ADAMTSL1: variants seen among roughly 807,000 people sequenced by gnomAD.
ADAMTSL1 encodes the protein ADAMTS-like protein 1.
Under a neutral mutation model 201.8 loss-of-function variants are expected in ADAMTSL1, and 126 were observed. The ratio of observed to expected loss-of-function variants is 0.62; its 90% confidence interval spans 0.54 to 0.72. The LOEUF is 0.72. Among genes scored for constraint, ADAMTSL1 ranks in the 30% least tolerant of loss-of-function variants. The probability of loss-of-function intolerance (pLI) is 0.00; values close to 1 mark genes in which losing one functional copy is unlikely to be tolerated. For synonymous variants in ADAMTSL1, 1,121 were observed against 903.4 expected, an observed-to-expected ratio of 1.24 and a Z score of -4.32; for missense variants, 2,679 against 2,277.8, an observed-to-expected ratio of 1.18 and a Z score of -3.59.
intron 2 of ADAMTSL1, among the ~76,000 whole-genome samples, chr9:18,371,211 T>C (rs1837028269): frequency 2.0e-5 from 3 of 152,338 alleles, no homozygotes; most frequent in Non-Finnish European, 1.5e-5. Flanking sequence ...TGTGTGTATA[T>C]GCATTATCTA....
chr9:18,611,944 G>A (rs1825402567), intron 4 of ADAMTSL1, among the ~76,000 whole-genome samples: 3 of 151,964 alleles, frequency 2.0e-5, no homozygotes, highest in Admixed American at 6.6e-5. Flanking sequence ...CCAAAGGGTC[G>A]GAGCTCACAA....
intron 1 of ADAMTSL1, among the ~76,000 whole-genome samples, chr9:18,091,965 C>G (rs182938484): frequency 2.0e-4 from 30 of 152,210 alleles, no homozygotes; most frequent in Admixed American, 1.8e-3. Context: ...ATGAACTTCT[C>G]TCTTGATTAC....
intron 14 of ADAMTSL1, among the ~76,000 whole-genome samples, chr9:18,715,062 A>C (rs1421580314): frequency 4.6e-3 from 285 of 62,098 alleles, no homozygotes; most frequent in Non-Finnish European, 6.6e-3. Context: ...AACTCTCAAT[A>C]AATTAGGTAT....
At chr9:18,875,791 T>A (rs1828108888) in intron 23 of ADAMTSL1, among the ~76,000 whole-genome samples, 1 of 152,118 alleles carries the variant, frequency 6.6e-6, no homozygotes, top group African/African-American at 2.4e-5. Context: ...AGTTTAAGTT[T>A]ATTGTTTCTT....
intron 3 of ADAMTSL1, among the ~76,000 whole-genome samples, chr9:18,571,872 T>C (rs1467413202): frequency 6.6e-6 from 1 of 152,146 alleles, no homozygotes; most frequent in African/African-American, 2.4e-5. Flanking sequence ...GAACATATGG[T>C]CTGAAAGGAG....
intron 1 of ADAMTSL1, among the ~76,000 whole-genome samples, chr9:18,043,877 G>T (rs1170599101): frequency 6.6e-6 from 1 of 151,274 alleles, no homozygotes; most frequent in Non-Finnish European, 1.5e-5. Context: ...ACTTTATTTA[G>T]TAACCTGATG....
At chr9:18,555,290 C>T (rs1298813451) in intron 3 of ADAMTSL1, among the ~76,000 whole-genome samples, 6 of 151,872 alleles carry the variant, frequency 4.0e-5, no homozygotes, top group African/African-American at 1.4e-4. Flanking sequence ...CTTTTAGAAT[C>T]GACTTCCATC....
intron 15 of ADAMTSL1, among the ~76,000 whole-genome samples, chr9:18,724,319 C>G (rs570932232): frequency 2.0e-5 from 3 of 152,280 alleles, no homozygotes; most frequent in Non-Finnish European, 4.4e-5. Context: ...ACCAAAGGCC[C>G]TAGAGGGCAA....
At chr9:18,360,200 G>A (rs1836456241) in intron 2 of ADAMTSL1, among the ~76,000 whole-genome samples, 1 of 152,052 alleles carries the variant, frequency 6.6e-6, no homozygotes, top group Non-Finnish European at 1.5e-5. Context: ...AGCTGCCTCT[G>A]TCTCTTTATC....
chr9:18,263,054 T>G (rs1177150326), intron 2 of ADAMTSL1, among the ~76,000 whole-genome samples: 2 of 152,196 alleles, frequency 1.3e-5, no homozygotes, highest in African/African-American at 4.8e-5. Flanking sequence ...CTGACATCAG[T>G]AAAGTGATTG....
intron 2 of ADAMTSL1, among the ~76,000 whole-genome samples, chr9:18,185,857 G>GA (rs1281753621): frequency 1.2e-4 from 1 of 8,634 alleles, no homozygotes; most frequent in Non-Finnish European, 4.9e-3. Context: ...TAATACAATT[G>GA]GGAAAAAAGT....
intron 2 of ADAMTSL1, among the ~76,000 whole-genome samples, chr9:18,206,240 T>G (rs1829644946): frequency 6.6e-6 from 1 of 152,094 alleles, no homozygotes; most frequent in Non-Finnish European, 1.5e-5. Context: ...TTTTTTTGTG[T>G]GTGTGTCCTT....
Position 18,586,332 on chromosome 9 carries a change from A to G in ADAMTSL1, c.474+12066A>G, listed in dbSNP as rs141851595. 8.7e-3 allele frequency among the ~76,000 whole-genome samples: 1,319 copies of G among 152,318 alleles called. 22 individuals are homozygous for G. The highest frequency in any genetic ancestry group is 0.031 in the African/African-American group (1,271 of 41,564). ...AAAGCCAAATCAGGAATGCAATTCC[A>G]TTTATAATTCCCACAAAAAGAATAA... On this transcript the variant is annotated intron_variant, in intron 4 of 28. Transcript: ENST00000380548.
chr9:18,903,720 T>C (rs939975563), intron 26 of ADAMTSL1, among the ~76,000 whole-genome samples: 2 of 152,004 alleles, frequency 1.3e-5, no homozygotes, highest in Non-Finnish European at 2.9e-5. Context: ...AGGTGATTGA[T>C]TGGTGTCAGG....
intron 4 of ADAMTSL1, among the ~76,000 whole-genome samples, chr9:18,613,987 C>T (rs963239233): frequency 2.6e-5 from 4 of 152,178 alleles, no homozygotes; most frequent in Admixed American, 6.5e-5. Flanking sequence ...CAAACGAAGA[C>T]TTCAAAGAGT....
chr9:18,136,254 T>C (rs1054378723), intron 1 of ADAMTSL1, among the ~76,000 whole-genome samples: 5 of 152,156 alleles, frequency 3.3e-5, no homozygotes, highest in African/African-American at 7.2e-5. Context: ...ATTAAGAACG[T>C]CAGAGGTGTG....
intron 9 of ADAMTSL1, among the ~76,000 whole-genome samples, chr9:18,668,357 C>T (rs1302941767): frequency 1.3e-5 from 2 of 152,144 alleles, no homozygotes; most frequent in African/African-American, 2.4e-5. Context: ...ATACACCACA[C>T]ATCATCAGAC....
chr9:18,889,512 A>G, intron 24 of ADAMTSL1, 56 bp from the exon 25 acceptor site: 3 of 1,573,298 alleles, frequency 1.9e-6, no homozygotes, highest in Non-Finnish European at 8.7e-7. Context: ...GAAGGAATTC[A>G]GAGTGTGGGC....
intron 2 of ADAMTSL1, among the ~76,000 whole-genome samples, chr9:18,381,319 A>C (rs1837546196): frequency 6.6e-6 from 1 of 152,200 alleles, no homozygotes; most frequent in Non-Finnish European, 1.5e-5. Context: ...TAGTAATATC[A>C]ATCATGTCTA....
Sources: allele counts gnomAD v4.1 joint callset (sites outside exome capture counted in the v4.1 genomes callset), GRCh38; gene constraint gnomAD v4.1.1; transcripts MANE v1.5; gene names NCBI Gene and HGNC (gene_info 2026-07-23, HGNC 2026-07-21).